The following ANKFY1 variants were observed in gnomAD, a reference collection of about 807,000 sequenced individuals.
The protein encoded by ANKFY1 is ankyrin repeat and FYVE domain-containing protein 1.
In ANKFY1, 47 loss-of-function variants were observed where a neutral mutation model predicts 128.3. The ratio of observed to expected loss-of-function variants is 0.37; its 90% confidence interval spans 0.29 to 0.47. The LOEUF (loss-of-function observed/expected upper bound fraction) is 0.47, where lower values mean the gene tolerates loss of function less well. Ranked by LOEUF, ANKFY1 falls within the 20% of genes least tolerant of loss-of-function variation. The pLI, the probability that ANKFY1 is intolerant of heterozygous loss-of-function variation, is 1.00. For missense variants in ANKFY1, 1,222 were observed against 1,510.6 expected (o/e 0.81, Z 3.17); for synonymous variants, 553 against 601.6 (o/e 0.92, Z 1.18).
At chr17:4,189,554 C>G in intron 10 of ANKFY1, 75 bp from the exon 11 acceptor site, 1 of 1,295,380 alleles carries the variant, frequency 7.7e-7, no homozygotes. Context: ...CCCTGCTCTT[C>G]CCTGCCACCC....
At chr17:4,210,533 A>AC (rs1265759206) in intron 4 of ANKFY1, among the ~76,000 whole-genome samples, 1 of 151,992 alleles carries the variant, frequency 6.6e-6, no homozygotes, top group African/African-American at 2.4e-5. Flanking sequence ...ACATGGAGGA[A>AC]CCCCATCTCT....
intron 1 of ANKFY1, among the ~76,000 whole-genome samples, chr17:4,262,581 C>T (rs564749178): frequency 6.6e-6 from 1 of 152,294 alleles, no homozygotes; most frequent in East Asian, 1.9e-4. Context: ...TCTACACACA[C>T]ACACACCCCT....
chr17:4,240,094 T>C (rs1967125982), intron 2 of ANKFY1, among the ~76,000 whole-genome samples: 1 of 147,162 alleles, frequency 6.8e-6, no homozygotes, highest in Non-Finnish European at 1.5e-5. Flanking sequence ...AGACAGGGTC[T>C]CGCCCTGTTG....
At chr17:4,252,803 G>T (rs759619079) in intron 1 of ANKFY1, among the ~76,000 whole-genome samples, 4 of 152,138 alleles carry the variant, frequency 2.6e-5, no homozygotes, top group Non-Finnish European at 5.9e-5. Flanking sequence ...ATGTCCAGCT[G>T]GTAAACAGAC....
At position 4,240,379 on chromosome 17, in the gene ANKFY1, A is replaced by C. The variant is rs9910712; in HGVS notation, c.203+1877T>G. Among the ~76,000 whole-genome samples, 1,038 of 146,082 alleles carry C rather than the reference A, an allele frequency of 7.1e-3. 12 individuals are homozygous for C. The highest frequency in any genetic ancestry group is 0.024 in the African/African-American group (965 of 39,448). On this transcript the variant is annotated intron_variant, in intron 2 of 24. Transcript: ENST00000341657. The stretch of plus-strand genomic sequence containing the variant: ...CATGCCTGGCCAACATTAGCATGTT[A>C]ATCTTTATTTATTTATTTATTTATT...
intron 15 of ANKFY1, 100 bp downstream of exon 15, chr17:4,182,081 G>C: frequency 8.3e-7 from 1 of 1,201,574 alleles, no homozygotes; most frequent in Admixed American, 3.0e-5. Flanking sequence ...TATGTTACTT[G>C]ACAGATCTTG....
At chr17:4,216,914 C>T in intron 4 of ANKFY1, 69 bp downstream of exon 4, 1 of 1,603,324 alleles carries the variant, frequency 6.2e-7, no homozygotes, top group Non-Finnish European at 8.5e-7. Context: ...GCTGTTTTCC[C>T]AGAGCTCGGC....
In ANKFY1 at chr17:4,187,177, A is replaced by C. The variant is rs1372248190; in HGVS notation, c.1471-2131T>G. Reference sequence around the variant, plus strand: ...CCCAAGCTTCCCCTCCAAGTTCCCAAATTCCATTACGTCATTCTTGCACCA... The same window carrying C: ...CCCAAGCTTCCCCTCCAAGTTCCCACATTCCATTACGTCATTCTTGCACCA... On this transcript the variant is annotated intron_variant, in intron 11 of 24. Transcript: ENST00000341657. The C allele has an allele frequency of 6.6e-6, 3 of 457,850 alleles. No individual in the cohort carries two copies. In the South Asian group the frequency reaches 3.4e-4, roughly 51 times the overall value. The allele number at this position is 457,850 out of a possible 1,614,324, so 28.4% of individuals were successfully genotyped here.
chr17:4,212,868 T>C (rs2060157737), intron 4 of ANKFY1, among the ~76,000 whole-genome samples: 1 of 151,232 alleles, frequency 6.6e-6, no homozygotes, highest in African/African-American at 2.4e-5. Flanking sequence ...CCTCCCAGGT[T>C]CAAGCGATTC....
chr17:4,189,526 C>A, intron 10 of ANKFY1, 47 bp from the exon 11 acceptor site: 1 of 1,480,434 alleles, frequency 6.8e-7, no homozygotes, highest in South Asian at 1.2e-5. Context: ...CATCAAAATG[C>A]GGTCACGCTG....
In ANKFY1 at chr17:4,184,983, G is replaced by T; in HGVS notation, c.1534C>A (p.Gln512Lys). The T allele has an allele frequency of 3.7e-6, 6 of 1,613,988 alleles. No homozygotes were observed. Among genetic ancestry groups the T allele is most frequent in the Non-Finnish European group, 4.2e-6 (5 of 1,180,040 alleles). ...GLANLTAELL[Q>K]QGANPNLQTE... The stretch of plus-strand genomic sequence containing the variant: ...TGCAGGTTTGGGTTGGCGCCTTGCT[G>T]CAGGAGCTCTGCCGTGAGGTTGGCC... The change falls in exon 12 of 25, where the codon CAG (glutamine) becomes AAG (lysine). Residue 512 changes from glutamine to lysine, a missense_variant. Gln to Lys is a moderately conservative substitution (Grantham distance 53, BLOSUM62 1). Coordinates refer to ENST00000341657, the MANE Select transcript of ANKFY1 (RefSeq NM_001330063.2).
chr17:4,213,498 A>C (rs1208794215), intron 4 of ANKFY1, among the ~76,000 whole-genome samples: 12 of 152,100 alleles, frequency 7.9e-5, no homozygotes. Context: ...TAAGTAAGTT[A>C]CATTAGTAAG....
In ANKFY1 at chr17:4,206,362, T is replaced by C; in HGVS notation, c.857A>G (p.Asp286Gly). The change falls in exon 7 of 25, where the codon GAC becomes GGC. Residue 286 changes from aspartate (D) to glycine (G), a missense_variant. Coordinates refer to ENST00000341657, the MANE Select transcript of ANKFY1 (RefSeq NM_001330063.2). ...GTGTAACAAGCTCCAGCCACTCTTG[T>C]CCACCATGTCCACATCAGCTTTGTG... ...VSHKADVDMV[D>G]KSGWSLLHKG... 1 of 1,614,204 alleles carries C rather than the reference T, an allele frequency of 6.2e-7. No individual in the cohort carries two copies. The highest frequency in any genetic ancestry group is 1.1e-5 in the South Asian group (1 of 91,086).
intron 7 of ANKFY1, among the ~76,000 whole-genome samples, chr17:4,203,975 A>G (rs61183519): frequency 0.033 from 4,961 of 152,190 alleles, 267 homozygotes; most frequent in African/African-American, 0.11. Flanking sequence ...AGGAGATGGC[A>G]TCCCTCTGGC....
chr17:4,213,747 G>GT (rs2060176411), intron 4 of ANKFY1, among the ~76,000 whole-genome samples: 1 of 151,726 alleles, frequency 6.6e-6, no homozygotes, highest in South Asian at 2.1e-4. Context: ...CTAATTTTTT[G>GT]TATTTTTAGT....
intron 3 of ANKFY1, among the ~76,000 whole-genome samples, chr17:4,221,836 G>A (rs1040851855): frequency 6.6e-6 from 1 of 151,740 alleles, no homozygotes; most frequent in Non-Finnish European, 1.5e-5. Flanking sequence ...AGGCTGGTCT[G>A]GAACTCCTGA....
At position 4,184,874 on chromosome 17, in the gene ANKFY1, T is replaced by C. The variant is rs750683467; in HGVS notation, c.1643A>G (p.His548Arg). 6.2e-7 allele frequency: 1 copy of C among 1,614,060 alleles called. No individual in the cohort carries two copies. Among genetic ancestry groups the C allele is most frequent in the Non-Finnish European group, 8.5e-7 (1 of 1,180,046 alleles). ...ADSVHLQTPL[H>R]MAIAYNHPDV... ...CGGATGGTTATAGGCGATCGCCATG[T>C]GCAGTGGCGTCTGCAGATGGACGCT... Residue 548 changes from histidine (H) to arginine (R), a missense_variant, in exon 12 of 25, where the codon CAC (histidine) becomes CGC (arginine). His to Arg is a conservative substitution (Grantham distance 29). Transcript: ENST00000341657.
At chr17:4,213,378 C>T (rs1163196545) in intron 4 of ANKFY1, among the ~76,000 whole-genome samples, 2 of 151,602 alleles carry the variant, frequency 1.3e-5, no homozygotes, top group African/African-American at 2.4e-5. Flanking sequence ...TTAGTAGGGA[C>T]GGGGTTTCAC....
chr17:4,198,673 C>T (rs2059872425), intron 7 of ANKFY1, among the ~76,000 whole-genome samples: 1 of 152,038 alleles, frequency 6.6e-6, no homozygotes, highest in Non-Finnish European at 1.5e-5. Context: ...TGCCCGGCCT[C>T]TTTTTAGTTT....
Sources: allele counts gnomAD v4.1 joint callset (sites outside exome capture counted in the v4.1 genomes callset), GRCh38; gene constraint gnomAD v4.1.1; transcripts MANE v1.5; gene names NCBI Gene and HGNC (gene_info 2026-07-23, HGNC 2026-07-21).